VPS13B: variants seen among roughly 807,000 people sequenced by gnomAD.
VPS13B encodes the protein intermembrane lipid transfer protein VPS13B.
A neutral mutation model predicts 426.4 loss-of-function variants in VPS13B; 285 were observed. The ratio of observed to expected loss-of-function variants is 0.67; its 90% CI spans 0.61 to 0.74. The LOEUF (loss-of-function observed/expected upper bound fraction) is 0.74, where lower values mean the gene tolerates loss of function less well. VPS13B is among the 30% of genes least tolerant of loss of function. The pLI, the probability that VPS13B is intolerant of heterozygous loss-of-function variation, is 0.00. For synonymous variants in VPS13B, 1,676 were observed against 1,676.4 expected (o/e 1.00, Z 0.01); for missense variants, 4,537 against 4,782.6 (o/e 0.95, Z 1.51).
At chr8:99,228,863 T>C (rs1816164213) in intron 17 of VPS13B, among the ~76,000 whole-genome samples, 1 of 152,114 alleles carries the variant, frequency 6.6e-6, no homozygotes. Context: ...CAGATGATTA[T>C]ATTTGAAGGC....
chr8:99,368,141 T>C (rs559786715), intron 19 of VPS13B, among the ~76,000 whole-genome samples: 46 of 152,392 alleles, frequency 3.0e-4, no homozygotes, highest in African/African-American at 1.1e-3. Context: ...TATTAGCATT[T>C]GGTGCTTGGA....
At chr8:99,494,697 A>G (rs1820796203) in intron 25 of VPS13B, among the ~76,000 whole-genome samples, 1 of 151,896 alleles carries the variant, frequency 6.6e-6, no homozygotes, top group Non-Finnish European at 1.5e-5. Flanking sequence ...TTGTCTCCTA[A>G]TTTCTCTGGT....
intron 19 of VPS13B, among the ~76,000 whole-genome samples, chr8:99,349,160 C>T (rs940289179): frequency 1.3e-5 from 2 of 148,754 alleles, no homozygotes; most frequent in African/African-American, 2.5e-5. Context: ...GGTGAAACCC[C>T]GTCTCTACTA....
chr8:99,607,071 A>G (rs982744453), intron 33 of VPS13B, among the ~76,000 whole-genome samples: 34 of 152,220 alleles, frequency 2.2e-4, no homozygotes, highest in African/African-American at 7.7e-4. Context: ...CCATGTAACC[A>G]ACAAACCTTC....
At chr8:99,478,111 C>T (rs1004614269) in intron 24 of VPS13B, among the ~76,000 whole-genome samples, 14 of 151,348 alleles carry the variant, frequency 9.3e-5, no homozygotes, top group African/African-American at 3.4e-4. Flanking sequence ...AAAAAGAAGC[C>T]CATAGAATCT....
chr8:99,383,424 T>C (rs1354122349), intron 19 of VPS13B, among the ~76,000 whole-genome samples: 2 of 152,216 alleles, frequency 1.3e-5, no homozygotes, highest in Non-Finnish European at 2.9e-5. Context: ...AATTGTTCTT[T>C]GCCTAAAAAG....
chr8:99,572,752 G>T (rs182074615), intron 31 of VPS13B, among the ~76,000 whole-genome samples: 4 of 152,076 alleles, frequency 2.6e-5, no homozygotes, highest in Non-Finnish European at 4.4e-5. Context: ...GAATAGTGCC[G>T]CAGTAAACAT....
chr8:99,290,810 T>C (rs917566287), intron 19 of VPS13B, among the ~76,000 whole-genome samples: 2 of 152,040 alleles, frequency 1.3e-5, no homozygotes, highest in Non-Finnish European at 2.9e-5. Context: ...AATTAAGGGT[T>C]GGAGAAGAAA....
At chr8:99,592,967 G>GA (rs1337478747) in intron 33 of VPS13B, among the ~76,000 whole-genome samples, 2 of 152,086 alleles carry the variant, frequency 1.3e-5, no homozygotes, top group Non-Finnish European at 2.9e-5. Context: ...AACCCTAGAA[G>GA]AAAATCTAGG....
chr8:99,198,361 A>T (rs1814073813), intron 17 of VPS13B, among the ~76,000 whole-genome samples: 1 of 151,806 alleles, frequency 6.6e-6, no homozygotes, highest in Admixed American at 6.6e-5. Context: ...TTAAATTTTA[A>T]ACTTTTATTT....
At chr8:99,693,426 CAG>C (rs1273008507) in intron 35 of VPS13B, among the ~76,000 whole-genome samples, 34 of 142,394 alleles carry the variant, frequency 2.4e-4, no homozygotes, top group African/African-American at 8.7e-4. Flanking sequence ...AGCATATAAA[CAG>C]AGCCAAAGAC....
chr8:99,619,080 CT>C (rs1291359199), intron 33 of VPS13B, among the ~76,000 whole-genome samples: 1 of 152,208 alleles, frequency 6.6e-6, no homozygotes, highest in African/African-American at 2.4e-5. Flanking sequence ...TTTCCCAAAG[CT>C]ACCTTATAAG....
chr8:99,644,249 C>A (rs1829489392), intron 34 of VPS13B, among the ~76,000 whole-genome samples: 1 of 152,076 alleles, frequency 6.6e-6, no homozygotes, highest in Admixed American at 6.6e-5. Flanking sequence ...CTGAGGCAAG[C>A]CAGGGACCAC....
chr8:99,618,157 A>G lies in VPS13B; in HGVS notation c.5221-23654A>G, dbSNP rs556356457. On this transcript the variant is annotated intron_variant, in intron 33 of 61. Coordinates refer to ENST00000357162, the MANE Select transcript of VPS13B (RefSeq NM_152564.5). ...ATGATGTACTTTTCCTCTGTGTGATATTGTGACAATTTTCTAGCATGTTTC... is the reference window on the plus strand; with the variant it reads ...ATGATGTACTTTTCCTCTGTGTGATGTTGTGACAATTTTCTAGCATGTTTC... 9.2e-5 allele frequency among the ~76,000 whole-genome samples: 14 copies of G among 152,134 alleles called. 1 individual carries two copies. Among genetic ancestry groups the G allele is most frequent in the South Asian group, 8.3e-4 (4 of 4,820 alleles).
chr8:99,767,375 TA>T (rs201868967), intron 40 of VPS13B, among the ~76,000 whole-genome samples: 59 of 148,552 alleles, frequency 4.0e-4, no homozygotes, highest in Admixed American at 6.9e-4. Context: ...AAAGAAATGT[TA>T]AAAAAAAATT....
At chr8:99,696,548 G>T (rs1022839335) in intron 35 of VPS13B, 48 of 495,502 alleles carry the variant, frequency 9.7e-5, no homozygotes, top group African/African-American at 9.2e-4. Flanking sequence ...CCGTGACCAT[G>T]AAGCTCTTCC....
chr8:99,404,684 A>G (rs1815232832), intron 21 of VPS13B, among the ~76,000 whole-genome samples: 1 of 152,228 alleles, frequency 6.6e-6, no homozygotes, highest in African/African-American at 2.4e-5. Context: ...GTTGCCAAAA[A>G]TAATGATGAG....
chr8:99,568,308 T>A (rs1489884326), intron 31 of VPS13B, among the ~76,000 whole-genome samples: 1 of 147,098 alleles, frequency 6.8e-6, no homozygotes, highest in Non-Finnish European at 1.5e-5. Flanking sequence ...TATTTTTTTT[T>A]GAGACGGAGT....
chr8:99,757,310 T>G (rs1381349798), intron 39 of VPS13B, among the ~76,000 whole-genome samples: 1 of 152,204 alleles, frequency 6.6e-6, no homozygotes, highest in Non-Finnish European at 1.5e-5. Context: ...TGTTTTGTCA[T>G]AGTTGAGCAG....
Sources: allele counts gnomAD v4.1 joint callset (sites outside exome capture counted in the v4.1 genomes callset), GRCh38; gene constraint gnomAD v4.1.1; transcripts MANE v1.5; gene names NCBI Gene and HGNC (gene_info 2026-07-23, HGNC 2026-07-21).